Variants in TNRC6A observed in about 807,000 individuals in gnomAD.
TNRC6A encodes the protein trinucleotide repeat-containing gene 6A protein.
Under a neutral mutation model 221.2 loss-of-function variants are expected in TNRC6A, and 44 were observed. That is an observed-to-expected ratio of 0.20 (90% CI 0.16 to 0.26). The LOEUF is 0.26. Among genes scored for constraint, TNRC6A ranks in the 10% least tolerant of loss-of-function variants. The probability of loss-of-function intolerance (pLI) is 1.00; values close to 1 mark genes in which losing one functional copy is unlikely to be tolerated. For synonymous variants in TNRC6A, 847 were observed against 838.5 expected (o/e 1.01, Z -0.18); for missense variants, 2,199 against 2,404.4 (o/e 0.91, Z 1.79).
intron 2 of TNRC6A, among the ~76,000 whole-genome samples, chr16:24,717,674 T>G (rs190312673): frequency 6.6e-6 from 1 of 151,972 alleles, no homozygotes; most frequent in Non-Finnish European, 1.5e-5. Context: ...ACAGTCATGA[T>G]ATTAACAAAC....
rs536048408 is a variant in TNRC6A, at chr16:24,788,756, C to T, written c.590-476C>T. On this transcript the variant is annotated intron_variant, in intron 5 of 24. Transcript: ENST00000395799. ...CTCCGCCTCCCGGGTTCATGCCATT[C>T]TCCTGCCTCAGCCTCCCGAGTAGCT... 1.6e-3 allele frequency among the ~76,000 whole-genome samples: 245 copies of T among 151,356 alleles called. 1 individual carries two copies. Among genetic ancestry groups the T allele is most frequent in the African/African-American group, 5.4e-3 (223 of 41,180 alleles).
intron 2 of TNRC6A, among the ~76,000 whole-genome samples, chr16:24,720,978 C>A (rs1299078210): frequency 2.6e-5 from 4 of 152,002 alleles, no homozygotes; most frequent in African/African-American, 9.7e-5. Context: ...TGGCATGAAC[C>A]CGGGAGGTGG....
intron 2 of TNRC6A, among the ~76,000 whole-genome samples, chr16:24,684,374 C>T (rs989672887): frequency 6.6e-6 from 1 of 152,146 alleles, no homozygotes; most frequent in African/African-American, 2.4e-5. Flanking sequence ...CCACCGCATT[C>T]CAGCCTGGGC....
intron 13 of TNRC6A, 30 bp from the exon 14 acceptor site, chr16:24,804,984 A>G (rs199596810): frequency 7.4e-6 from 12 of 1,614,042 alleles, no homozygotes; most frequent in Non-Finnish European, 1.0e-5. Flanking sequence ...AAAGAATCCC[A>G]CTGTTACTTG....
Position 24,790,602 on chromosome 16 carries a change from T to G in TNRC6A, c.1960T>G (p.Ser654Ala). ...TEEEDQGSAT[S>A]QTNEQSSVWA... ...GGAAGAGGATCAGGGTTCTGCCACATCTCAGACAAATGAGCAAAGCAGTGT... is the reference window on the plus strand; with the variant it reads ...GGAAGAGGATCAGGGTTCTGCCACAGCTCAGACAAATGAGCAAAGCAGTGT... Residue 654 changes from serine (S) to alanine (A), a missense_variant, in exon 6 of 25, where the codon TCT becomes GCT. Transcript: ENST00000395799. The G allele has an allele frequency of 6.2e-7, 1 of 1,614,138 alleles. No individual in the cohort carries two copies. The highest frequency in any genetic ancestry group is 8.5e-7 in the Non-Finnish European group (1 of 1,180,024).
intron 22 of TNRC6A, among the ~76,000 whole-genome samples, chr16:24,821,274 G>A (rs1028631632): frequency 7.2e-5 from 11 of 152,180 alleles, no homozygotes; most frequent in Admixed American, 3.3e-4. Context: ...GCAGCACACA[G>A]CGAGGGGCGC....
chr16:24,655,116 C>T (rs1243878570), intron 2 of TNRC6A, among the ~76,000 whole-genome samples: 3 of 152,088 alleles, frequency 2.0e-5, no homozygotes, highest in Non-Finnish European at 2.9e-5. Flanking sequence ...TGGTGGCAGA[C>T]GCCTGTGTTC....
intron 2 of TNRC6A, among the ~76,000 whole-genome samples, chr16:24,714,959 C>T (rs1020957605): frequency 7.3e-5 from 11 of 151,486 alleles, no homozygotes; most frequent in African/African-American, 2.4e-4. Flanking sequence ...TCACTGCAAG[C>T]TCCACCTCCC....
chr16:24,804,691 G>C lies in TNRC6A; in HGVS notation c.3838-14G>C. The C allele has an allele frequency of 1.9e-6, 3 of 1,565,364 alleles. No homozygotes were observed. Among genetic ancestry groups the C allele is most frequent in the Non-Finnish European group, 2.6e-6 (3 of 1,163,408 alleles). ...CTTGGCTGGTGTTGCACATCTTTCT[G>C]TCTGTCCAATCAGGATGGCATTGTA... is the stretch of plus-strand genomic sequence containing the variant. On this transcript the variant is annotated splice_polypyrimidine_tract_variant and intron_variant, in intron 12 of 24. Coordinates refer to ENST00000395799, the MANE Select transcript of TNRC6A (RefSeq NM_014494.4).
chr16:24,804,441 A>T (rs1171490525), intron 12 of TNRC6A, 122 bp downstream of exon 12: 1 of 1,240,094 alleles, frequency 8.1e-7, no homozygotes, highest in Non-Finnish European at 1.1e-6. Flanking sequence ...ACCAAATCTT[A>T]TTACTGGATT....
At chr16:24,771,771 A>G (rs1176743773) in intron 4 of TNRC6A, among the ~76,000 whole-genome samples, 2 of 151,990 alleles carry the variant, frequency 1.3e-5, no homozygotes, top group Non-Finnish European at 2.9e-5. Flanking sequence ...TGGAGGGATA[A>G]ATCTTGGGAG....
intron 2 of TNRC6A, among the ~76,000 whole-genome samples, chr16:24,731,789 G>A (rs921067231): frequency 5.3e-5 from 8 of 152,208 alleles, no homozygotes; most frequent in African/African-American, 1.9e-4. Context: ...GTCTGGGTTG[G>A]CTATTTATCA....
intron 4 of TNRC6A, among the ~76,000 whole-genome samples, chr16:24,771,582 T>TTTTATGTTATGTTGTGATGTTATGTTA: frequency 5.2e-5 from 5 of 95,552 alleles, no homozygotes; most frequent in African/African-American, 8.7e-5. Flanking sequence ...TTATGTTATG[T>TTTTATGTTATGTTGTGATGTTATGTTA]TGTTATGTTA....
At position 24,750,833 on chromosome 16, in the gene TNRC6A, TTTATA is replaced by T; in HGVS notation, c.141+24_141+28del. 1 of 1,489,446 alleles carries T rather than the reference TTTATA, an allele frequency of 6.7e-7. No individual in the cohort carries two copies. Among genetic ancestry groups the T allele is most frequent in the Non-Finnish European group, 8.9e-7 (1 of 1,122,592 alleles). 92.3% of individuals were successfully genotyped at this position (1,489,446 alleles called of 1,614,324 possible). ...AAGAAGGTAGTATGTGTGTAAACTATTTATATTAAGCAGTTTAAACATAGAATTAA... is the reference window on the plus strand; with the variant it reads ...AAGAAGGTAGTATGTGTGTAAACTATTTAAGCAGTTTAAACATAGAATTAA... On this transcript the variant is annotated intron_variant, in intron 3 of 24. Coordinates refer to ENST00000395799, the MANE Select transcript of TNRC6A (RefSeq NM_014494.4).
chr16:24,751,478 TAAAA>T (rs557062605), intron 3 of TNRC6A, among the ~76,000 whole-genome samples: 322 of 152,236 alleles, frequency 2.1e-3, no homozygotes, highest in Non-Finnish European at 3.4e-3. Flanking sequence ...CAAAGTAAGT[TAAAA>T]AAATCTGTAA....
At chr16:24,803,278 G>A (rs577258942) in intron 11 of TNRC6A, among the ~76,000 whole-genome samples, 24 of 151,908 alleles carry the variant, frequency 1.6e-4, no homozygotes, top group Middle Eastern at 3.2e-3. Flanking sequence ...AATTAGCTGG[G>A]TGTGGTGGTG....
chr16:24,613,321 C>T (rs1283888763), intron 1 of TNRC6A, among the ~76,000 whole-genome samples: 1 of 151,550 alleles, frequency 6.6e-6, no homozygotes, highest in Admixed American at 6.6e-5. Flanking sequence ...TGCTGGTGGA[C>T]CAAACACATT....
Position 24,729,682 on chromosome 16 carries a change from TGTC to T in TNRC6A, c.-158_-156del, listed in dbSNP as rs1425015987. On this transcript the variant is annotated 5_prime_UTR_variant, in exon 1 of 25. Coordinates refer to ENST00000395799, the MANE Select transcript of TNRC6A (RefSeq NM_014494.4). ...GGTCTGGGGCCTGCGGCGGCGGCGG[TGTC>T]GGCGGCGGCGGCGGCGGCGGCGGCG... is the stretch of plus-strand genomic sequence containing the variant. The T allele has an allele frequency of 3.0e-4, 200 of 677,802 alleles. No individual in the cohort carries two copies. In the African/African-American group the frequency reaches 3.6e-3, roughly 12 times the overall value. The allele number at this position is 677,802 out of a possible 1,614,324, so 42.0% of individuals were successfully genotyped here.
chr16:24,735,425 T>C (rs1436618003), intron 2 of TNRC6A, among the ~76,000 whole-genome samples: 1 of 152,232 alleles, frequency 6.6e-6, no homozygotes, highest in African/African-American at 2.4e-5. Context: ...AGCTTTTCTT[T>C]TGCTTTGCTG....
Sources: gnomAD v4.1 joint callset for allele counts (sites outside exome capture counted in the v4.1 genomes callset) on GRCh38, gnomAD v4.1.1 for gene constraint, MANE v1.5 for transcripts, NCBI Gene and HGNC (gene_info 2026-07-23, HGNC 2026-07-21) for gene names.